The following ACSS3 variants were observed in gnomAD, a reference collection of about 807,000 sequenced individuals.
The protein encoded by ACSS3 is acyl-CoA synthetase short chain family member 3, also known as acyl-CoA synthetase short-chain family member 3, mitochondrial.
Under a neutral mutation model 84.2 loss-of-function variants are expected in ACSS3, and 64 were observed. The ratio of observed to expected loss-of-function variants is 0.76; its 90% confidence interval spans 0.62 to 0.94. The LOEUF is 0.94. ACSS3 is among the 40% of genes least tolerant of loss of function. The probability of loss-of-function intolerance (pLI) is 0.00; values close to 1 mark genes in which losing one functional copy is unlikely to be tolerated. For missense variants in ACSS3, 815 were observed against 867.6 expected (o/e 0.94, Z 0.76); for synonymous variants, 317 against 310.1 (o/e 1.02, Z -0.23).
In ACSS3 at chr12:81,261,080, A is replaced by G. The variant is rs1455526484; in HGVS notation, c.*6158A>G. On this transcript the variant is annotated 3_prime_UTR_variant, in exon 16 of 16. Transcript: ENST00000548058. Reference sequence around the variant, plus strand: ...CATAGGAAGGTTTTGTGCTGGTCCTATTCTCCATTCTTAAAGTAATTTTAT... The same window carrying G: ...CATAGGAAGGTTTTGTGCTGGTCCTGTTCTCCATTCTTAAAGTAATTTTAT... 1 of 152,124 alleles carries G rather than the reference A, an allele frequency of 6.6e-6. No individual in the cohort carries two copies. The highest frequency in any genetic ancestry group is 1.5e-5 in the Non-Finnish European group (1 of 68,024). 9.4% of individuals were successfully genotyped at this position (152,124 alleles called of 1,614,324 possible). A position where few individuals can be genotyped will look rare whatever the true frequency, so the allele number is the denominator to read the frequency against.
chr12:81,253,623 A>G lies in ACSS3; in HGVS notation c.1948A>G (p.Ile650Val). The G allele has an allele frequency of 6.2e-7, 1 of 1,613,894 alleles. No individual in the cohort carries two copies. Among genetic ancestry groups the G allele is most frequent in the South Asian group, 1.1e-5 (1 of 91,072 alleles). ...KQLPKTRSGK[I>V]PRSALSAIVN... ...GCTACCCAAAACCAGATCTGGCAAG[A>G]TCCCCCGATCAGCTTTATCTGCCAT... is the stretch of plus-strand genomic sequence containing the variant. Residue 650 changes from isoleucine (I) to valine (V), a missense_variant, in exon 15 of 16, where the codon ATC (isoleucine) becomes GTC (valine). Ile to Val is a conservative substitution (Grantham distance 29). Coordinates refer to ENST00000548058, the MANE Select transcript of ACSS3 (RefSeq NM_024560.4).
At chr12:81,103,541 G>A (rs906047073) in intron 1 of ACSS3, among the ~76,000 whole-genome samples, 3 of 152,114 alleles carry the variant, frequency 2.0e-5, no homozygotes, top group Non-Finnish European at 4.4e-5. Context: ...CAATCTCTAA[G>A]CTTAGCCAAT....
chr12:81,186,773 T>TA (rs1460650301), intron 8 of ACSS3, among the ~76,000 whole-genome samples: 1 of 151,868 alleles, frequency 6.6e-6, no homozygotes, highest in East Asian at 1.9e-4. Flanking sequence ...TGTAGATTGT[T>TA]ACAGCCATTT....
At chr12:81,078,492 C>A (rs1017856318) in intron 1 of ACSS3, 61 bp downstream of exon 1, 67 of 1,573,798 alleles carry the variant, frequency 4.3e-5, no homozygotes, top group Non-Finnish European at 5.7e-5. Context: ...GGCGCCAGGA[C>A]CTCCCTGGGA....
chr12:81,146,343 T>C (rs1427176130), intron 5 of ACSS3, among the ~76,000 whole-genome samples: 2 of 152,280 alleles, frequency 1.3e-5, no homozygotes, highest in Admixed American at 1.3e-4. Context: ...TAATATGGGA[T>C]CCACAGAATG....
chr12:81,117,438 A>C (rs1593074090), intron 2 of ACSS3, among the ~76,000 whole-genome samples: 1 of 152,194 alleles, frequency 6.6e-6, no homozygotes, highest in South Asian at 2.1e-4. Context: ...CTTGTCACTT[A>C]TGAAATGACA....
chr12:81,087,282 A>T lies in ACSS3; in HGVS notation c.311+8851A>T, dbSNP rs1385096605. On this transcript the variant is annotated intron_variant, in intron 1 of 15. Transcript: ENST00000548058. ...TGGACAATAGGAATACCTTCTCTTA[A>T]GGTGTTTATGGTAGAATAACAACAC... Among the ~76,000 whole-genome samples the T allele has an allele frequency of 2.0e-5, 3 of 152,220 alleles. No homozygotes were observed. The East Asian group carries it at 5.8e-4, about 29-fold the overall frequency.
chr12:81,094,943 CTCTT>C (rs1881934299), intron 1 of ACSS3, among the ~76,000 whole-genome samples: 1 of 152,128 alleles, frequency 6.6e-6, no homozygotes, highest in Non-Finnish European at 1.5e-5. Context: ...GCTGCTGCTG[CTCTT>C]TCTCTTTCTT....
chr12:81,172,297 CT>C lies in ACSS3; in HGVS notation c.1099-2483del, dbSNP rs1034134916. Among the ~76,000 whole-genome samples the C allele has an allele frequency of 1.3e-4, 18 of 142,724 alleles. 1 individual carries two copies. The highest frequency in any genetic ancestry group is 4.4e-4 in the African/African-American group (17 of 38,930). The allele number at this position is 142,724 out of a possible 152,430, so 93.6% of individuals were successfully genotyped here. The stretch of plus-strand genomic sequence containing the variant: ...AAAAAAGGCCCTGGTGATCCATGCC[CT>C]TTTTTTTAGTGTAACAATGGACTGC... On this transcript the variant is annotated intron_variant, in intron 7 of 15. Coordinates refer to ENST00000548058, the MANE Select transcript of ACSS3 (RefSeq NM_024560.4).
intron 13 of ACSS3, among the ~76,000 whole-genome samples, chr12:81,240,083 T>C (rs1292646092): frequency 1.3e-5 from 2 of 152,014 alleles, no homozygotes; most frequent in East Asian, 3.9e-4. Context: ...TCAATTTTAT[T>C]CAGTTGATTG....
chr12:81,106,888 G>A (rs552130790), intron 1 of ACSS3, among the ~76,000 whole-genome samples: 81 of 151,180 alleles, frequency 5.4e-4, no homozygotes, highest in Non-Finnish European at 9.0e-4. Flanking sequence ...GAGAGTGAGG[G>A]TACAAATCTG....
chr12:81,134,044 G>T (rs1365421513), intron 2 of ACSS3, among the ~76,000 whole-genome samples: 1 of 151,024 alleles, frequency 6.6e-6, no homozygotes. Context: ...ACGGGGAAGA[G>T]ACATTTATAT....
Position 81,257,010 on chromosome 12 carries a change from AAG to A in ACSS3, c.*2091_*2092del, listed in dbSNP as rs2136028097. The A allele has an allele frequency of 6.6e-6, 1 of 152,188 alleles. No individual in the cohort carries two copies. Among genetic ancestry groups the A allele is most frequent in the South Asian group, 2.1e-4 (1 of 4,830 alleles). The allele number at this position is 152,188 out of a possible 1,614,324, so 9.4% of individuals were successfully genotyped here. On this transcript the variant is annotated 3_prime_UTR_variant, in exon 16 of 16. Coordinates refer to ENST00000548058, the MANE Select transcript of ACSS3 (RefSeq NM_024560.4). Reference sequence around the variant, plus strand: ...TGTGTTTCCTTATTTTTTTTCAAATAAGAGTCAGTTAATTTGAAATGGCAAAT... The same window carrying A: ...TGTGTTTCCTTATTTTTTTTCAAATAAGTCAGTTAATTTGAAATGGCAAAT...
chr12:81,122,373 G>A (rs1441563447), intron 2 of ACSS3, among the ~76,000 whole-genome samples: 1 of 152,016 alleles, frequency 6.6e-6, no homozygotes, highest in South Asian at 2.1e-4. Flanking sequence ...AAGAGAAAAG[G>A]AATCTGGCCT....
chr12:81,164,286 G>A (rs1454916634), intron 7 of ACSS3, among the ~76,000 whole-genome samples: 1 of 152,136 alleles, frequency 6.6e-6, no homozygotes. Flanking sequence ...TAGCCTTGGA[G>A]TAAGAGGCAA....
intron 2 of ACSS3, among the ~76,000 whole-genome samples, chr12:81,117,247 A>G (rs1228996783): frequency 6.6e-6 from 1 of 152,214 alleles, no homozygotes; most frequent in Non-Finnish European, 1.5e-5. Flanking sequence ...ATTTGACACT[A>G]CTAGAGACAC....
intron 9 of ACSS3, among the ~76,000 whole-genome samples, chr12:81,202,640 C>T (rs928613749): frequency 1.1e-4 from 17 of 152,052 alleles, no homozygotes; most frequent in Non-Finnish European, 1.5e-5. Context: ...TTTTTACATA[C>T]TTGCACACTT....
At chr12:81,247,301 GTTA>G (rs950968384) in intron 13 of ACSS3, among the ~76,000 whole-genome samples, 3 of 151,994 alleles carry the variant, frequency 2.0e-5, no homozygotes, top group African/African-American at 7.3e-5. Context: ...TGTATGCATA[GTTA>G]TTATTATTAG....
intron 7 of ACSS3, among the ~76,000 whole-genome samples, chr12:81,155,806 C>A (rs1273428925): frequency 6.6e-6 from 1 of 152,176 alleles, no homozygotes; most frequent in African/African-American, 2.4e-5. Context: ...TTACATATTT[C>A]AGGTTATCAT....
Sources: allele counts gnomAD v4.1 joint callset (sites outside exome capture counted in the v4.1 genomes callset), GRCh38; gene constraint gnomAD v4.1.1; transcripts MANE v1.5; gene names NCBI Gene and HGNC (gene_info 2026-07-23, HGNC 2026-07-21).